The following VWC2 variants were observed in gnomAD, a reference collection of about 807,000 sequenced individuals.
VWC2 encodes von Willebrand factor C domain containing 2, also known as brorin.
Under a neutral mutation model 29.8 loss-of-function variants are expected in VWC2, and 14 were observed. That is an observed-to-expected ratio of 0.47 (90% CI 0.31 to 0.74). The LOEUF (loss-of-function observed/expected upper bound fraction) is 0.74. Ranked by LOEUF, VWC2 falls within the 30% of genes least tolerant of loss-of-function variation. The probability of loss-of-function intolerance (pLI) is 0.05; values close to 1 mark genes in which losing one functional copy is unlikely to be tolerated. For synonymous variants in VWC2, 213 were observed against 199.0 expected, an observed-to-expected ratio of 1.07 and a Z score of -0.59; for missense variants, 457 against 459.8, an observed-to-expected ratio of 0.99 and a Z score of 0.05.
intron 2 of VWC2, among the ~76,000 whole-genome samples, chr7:49,779,432 G>C (rs1156620296): frequency 6.6e-6 from 1 of 151,992 alleles, no homozygotes; most frequent in Non-Finnish European, 1.5e-5. Context: ...ATTCCTCCAG[G>C]GATGGTTGTA....
intron 3 of VWC2, among the ~76,000 whole-genome samples, chr7:49,857,266 T>C (rs772118148): frequency 1.5e-4 from 23 of 152,182 alleles, no homozygotes; most frequent in Non-Finnish European, 3.2e-4. Context: ...CGACTTTATA[T>C]AAATGGAATC....
At chr7:49,867,907 C>A (rs1341547217) in intron 3 of VWC2, among the ~76,000 whole-genome samples, 1 of 151,402 alleles carries the variant, frequency 6.6e-6, no homozygotes, top group Non-Finnish European at 1.5e-5. Context: ...AATCTCGGCT[C>A]ACTGCAATCT....
intron 3 of VWC2, among the ~76,000 whole-genome samples, chr7:49,889,958 T>C (rs503212): frequency 0.032 from 4,947 of 152,238 alleles, 294 homozygotes; most frequent in African/African-American, 0.11. Context: ...CTAATCTCAA[T>C]TTTAATCTTG....
At chr7:49,805,694 A>G (rs571024384) in intron 3 of VWC2, among the ~76,000 whole-genome samples, 143 of 152,320 alleles carry the variant, frequency 9.4e-4, no homozygotes, top group Non-Finnish European at 1.7e-3. Context: ...ATGTTCTTGT[A>G]AAAAAATTAT....
At chr7:49,883,839 G>C (rs1001910031) in intron 3 of VWC2, among the ~76,000 whole-genome samples, 4 of 152,188 alleles carry the variant, frequency 2.6e-5, no homozygotes, top group Non-Finnish European at 5.9e-5. Flanking sequence ...ACATACCCTA[G>C]TGAATGTTTG....
At chr7:49,797,225 T>A (rs1221692167) in intron 2 of VWC2, among the ~76,000 whole-genome samples, 1 of 152,210 alleles carries the variant, frequency 6.6e-6, no homozygotes, top group Non-Finnish European at 1.5e-5. Context: ...TTGAGAAAGT[T>A]CTATGCTGAT....
intron 3 of VWC2, among the ~76,000 whole-genome samples, chr7:49,865,631 CTGTT>C (rs1331753674): frequency 6.6e-6 from 1 of 152,300 alleles, no homozygotes; most frequent in East Asian, 1.9e-4. Flanking sequence ...TTTTGAGACT[CTGTT>C]TGTATATCAC....
At chr7:49,781,856 T>A (rs2128701636) in intron 2 of VWC2, among the ~76,000 whole-genome samples, 1 of 152,178 alleles carries the variant, frequency 6.6e-6, no homozygotes, top group East Asian at 1.9e-4. Flanking sequence ...AAGGATGAAG[T>A]CTTGAGTCGT....
At chr7:49,909,262 A>G (rs1475257833) in intron 3 of VWC2, among the ~76,000 whole-genome samples, 2 of 152,222 alleles carry the variant, frequency 1.3e-5, no homozygotes, top group Non-Finnish European at 2.9e-5. Flanking sequence ...GCACGATGAC[A>G]GATATTAGGG....
At chr7:49,896,617 A>C (rs1792394568) in intron 3 of VWC2, among the ~76,000 whole-genome samples, 1 of 152,198 alleles carries the variant, frequency 6.6e-6, no homozygotes, top group Non-Finnish European at 1.5e-5. Context: ...TGGTTCTTTG[A>C]AAAGATCAAC....
At chr7:49,788,851 TG>T (rs1347252535) in intron 2 of VWC2, among the ~76,000 whole-genome samples, 2 of 138,824 alleles carry the variant, frequency 1.4e-5, no homozygotes, top group Non-Finnish European at 3.2e-5. Flanking sequence ...TGTGTGAGCA[TG>T]TGTGTGAGCG....
chr7:49,876,678 A>G (rs1791426836), intron 3 of VWC2, among the ~76,000 whole-genome samples: 1 of 152,110 alleles, frequency 6.6e-6, no homozygotes, highest in African/African-American at 2.4e-5. Context: ...ATTTTACCCT[A>G]TTTTAAGATC....
chr7:49,781,412 A>G (rs1788175224), intron 2 of VWC2, among the ~76,000 whole-genome samples: 1 of 152,254 alleles, frequency 6.6e-6, no homozygotes. Flanking sequence ...TACAGTGGGC[A>G]GAAGGGAATC....
chr7:49,812,785 C>A (rs990794218), intron 3 of VWC2, among the ~76,000 whole-genome samples: 1 of 152,158 alleles, frequency 6.6e-6, no homozygotes, highest in Non-Finnish European at 1.5e-5. Flanking sequence ...ATAGTCTGAT[C>A]AGTTGGCTGC....
chr7:49,789,325 G>GTA (rs1450188213), intron 2 of VWC2, among the ~76,000 whole-genome samples: 1 of 150,092 alleles, frequency 6.7e-6, no homozygotes, highest in Non-Finnish European at 1.5e-5. Flanking sequence ...GTGTAGGTGT[G>GTA]TGTGGGTGCG....
At chr7:49,827,963 T>C (rs1433450323) in intron 3 of VWC2, among the ~76,000 whole-genome samples, 1 of 152,224 alleles carries the variant, frequency 6.6e-6, no homozygotes, top group African/African-American at 2.4e-5. Flanking sequence ...TAAGTATTGA[T>C]AGTTACATAC....
chr7:49,847,559 T>C (rs1789990920), intron 3 of VWC2, among the ~76,000 whole-genome samples: 1 of 152,188 alleles, frequency 6.6e-6, no homozygotes, highest in African/African-American at 2.4e-5. Context: ...TCATCATTGT[T>C]CAAAGAGAGT....
chr7:49,875,395 A>AAAAAAAAAC (rs1562746141), intron 3 of VWC2, among the ~76,000 whole-genome samples: 5 of 149,594 alleles, frequency 3.3e-5, no homozygotes, highest in African/African-American at 1.2e-4. Context: ...AAAAAAAAAA[A>AAAAAAAAAC]AACAGGAATA....
chr7:49,814,406 TA>T (rs1789086021), intron 3 of VWC2, among the ~76,000 whole-genome samples: 1 of 152,220 alleles, frequency 6.6e-6, no homozygotes, highest in Non-Finnish European at 1.5e-5. Flanking sequence ...TCTGATCTCT[TA>T]CATATAGGAA....
Sources: gnomAD v4.1 joint callset for allele counts (sites outside exome capture counted in the v4.1 genomes callset) on GRCh38, gnomAD v4.1.1 for gene constraint, MANE v1.5 for transcripts, NCBI Gene and HGNC (gene_info 2026-07-23, HGNC 2026-07-21) for gene names.